DGLUCY: variants seen among roughly 807,000 people sequenced by gnomAD.
The protein encoded by DGLUCY is D-glutamate cyclase.
Under a neutral mutation model 58.5 loss-of-function variants are expected in DGLUCY, and 58 were observed. That is an observed-to-expected ratio of 0.99 (90% CI 0.80 to 1.23). The LOEUF is 1.23. Among genes scored for constraint, DGLUCY ranks in the 50% most tolerant of loss-of-function variants. The pLI, the probability that DGLUCY is intolerant of heterozygous loss-of-function variation, is 0.00. For synonymous variants in DGLUCY, 325 were observed against 314.1 expected, an observed-to-expected ratio of 1.03 and a Z score of -0.37; for missense variants, 779 against 784.7, an observed-to-expected ratio of 0.99 and a Z score of 0.09.
chr14:91,207,137 T>A (rs4904759), intron 12 of DGLUCY, among the ~76,000 whole-genome samples: 62,955 of 130,382 alleles, frequency 0.48, 16,290 homozygotes, highest in East Asian at 0.71. Flanking sequence ...CCAGCCTGGA[T>A]GACAGAGCAA....
chr14:91,170,785 C>T (rs1382752676), intron 5 of DGLUCY, among the ~76,000 whole-genome samples: 1 of 152,210 alleles, frequency 6.6e-6, no homozygotes, highest in Non-Finnish European at 1.5e-5. Context: ...CCTTCCTGGA[C>T]ATCTGTTGGT....
intron 13 of DGLUCY, among the ~76,000 whole-genome samples, chr14:91,218,774 G>A (rs1293142711): frequency 6.6e-6 from 1 of 152,182 alleles, no homozygotes; most frequent in Non-Finnish European, 1.5e-5. Context: ...GCCAGGCCCA[G>A]GCTTGCTCTA....
At chr14:91,073,998 ATAATCCCAGCACCTT>A (rs2043965796) in intron 1 of DGLUCY, among the ~76,000 whole-genome samples, 1 of 151,498 alleles carries the variant, frequency 6.6e-6, no homozygotes, top group Non-Finnish European at 1.5e-5. Flanking sequence ...GCTCACACCT[ATAATCCCAGCACCTT>A]GGGAAGTAGA....
chr14:91,065,846 A>C (rs1281913552), intron 1 of DGLUCY, among the ~76,000 whole-genome samples: 1 of 152,200 alleles, frequency 6.6e-6, no homozygotes, highest in African/African-American at 2.4e-5. Flanking sequence ...GCTTGGAGTC[A>C]AATGAGGAAA....
At chr14:91,161,917 C>T (rs986877895) in intron 3 of DGLUCY, among the ~76,000 whole-genome samples, 1 of 151,596 alleles carries the variant, frequency 6.6e-6, no homozygotes, top group South Asian at 2.1e-4. Flanking sequence ...CTACAGCAAC[C>T]TGTTATATAC....
intron 1 of DGLUCY, among the ~76,000 whole-genome samples, chr14:91,137,643 C>T (rs1456081083): frequency 2.6e-5 from 4 of 151,872 alleles, no homozygotes; most frequent in Non-Finnish European, 5.9e-5. Flanking sequence ...GATCCGCCCG[C>T]CTTAGCCTCC....
intron 1 of DGLUCY, among the ~76,000 whole-genome samples, chr14:91,122,672 G>A (rs932108193): frequency 3.1e-5 from 4 of 128,686 alleles, no homozygotes; most frequent in African/African-American, 9.0e-5. Flanking sequence ...GCTCGATCTC[G>A]GCTTACTGCA....
intron 13 of DGLUCY, among the ~76,000 whole-genome samples, chr14:91,222,492 T>C (rs1887661106): frequency 6.6e-6 from 1 of 151,954 alleles, no homozygotes; most frequent in South Asian, 2.1e-4. Context: ...CCATTCTGAG[T>C]GGGTAGCTCC....
intron 12 of DGLUCY, among the ~76,000 whole-genome samples, chr14:91,206,858 A>G (rs1340661404): frequency 6.6e-6 from 1 of 152,194 alleles, no homozygotes; most frequent in Non-Finnish European, 1.5e-5. Flanking sequence ...TGATTAATAT[A>G]ATAAAGTCTT....
intron 1 of DGLUCY, among the ~76,000 whole-genome samples, chr14:91,068,039 T>C (rs951242231): frequency 2.0e-5 from 3 of 149,840 alleles, no homozygotes; most frequent in African/African-American, 7.4e-5. Context: ...AGTGAGAAGG[T>C]TGGGAATGTA....
At chr14:91,190,544 T>A (rs956761032) in intron 9 of DGLUCY, among the ~76,000 whole-genome samples, 32 of 151,910 alleles carry the variant, frequency 2.1e-4, no homozygotes, top group African/African-American at 7.2e-4. Context: ...GAGGTGGCCT[T>A]TGAGTCCAGA....
At position 91,195,827 on chromosome 14, in the gene DGLUCY, C is replaced by T. The variant is rs147492273; in HGVS notation, c.1196-548C>T. The stretch of plus-strand genomic sequence containing the variant: ...CTGGAACTATAGGCGCTTGCCATCA[C>T]GCCGGGCTAATTTTTTGTATTTTTA... On this transcript the variant is annotated intron_variant, in intron 9 of 13. Coordinates refer to ENST00000256324, the MANE Select transcript of DGLUCY (RefSeq NM_001102368.3). Among the ~76,000 whole-genome samples the T allele has an allele frequency of 8.2e-4, 125 of 152,078 alleles. 2 individuals are homozygous for T. The highest frequency in any genetic ancestry group is 4.3e-3 in the Admixed American group (65 of 15,266).
At chr14:91,171,051 G>T (rs935783078) in intron 5 of DGLUCY, among the ~76,000 whole-genome samples, 1 of 152,172 alleles carries the variant, frequency 6.6e-6, no homozygotes, top group Admixed American at 6.6e-5. Flanking sequence ...GGAAGGGTGG[G>T]GATGGGACCC....
intron 1 of DGLUCY, among the ~76,000 whole-genome samples, chr14:91,075,930 T>G (rs890533061): frequency 6.6e-6 from 1 of 152,106 alleles, no homozygotes; most frequent in Non-Finnish European, 1.5e-5. Context: ...CAGGCCAACA[T>G]GGTGAAACCC....
chr14:91,111,244 GTGTGTA>G (rs199700523), upstream of DGLUCY, among the ~76,000 whole-genome samples: 9,494 of 100,590 alleles, frequency 0.094, 508 homozygotes, highest in Non-Finnish European at 0.13. Context: ...GTGTGTGTGT[GTGTGTA>G]TATATCTATA....
intron 10 of DGLUCY, among the ~76,000 whole-genome samples, chr14:91,199,468 T>C (rs1003333458): frequency 9.3e-6 from 1 of 107,252 alleles, no homozygotes; most frequent in Non-Finnish European, 2.3e-5. Context: ...GGCCGGGCTG[T>C]TCTCGAACTC....
chr14:91,157,552 A>G (rs2140332011), intron 1 of DGLUCY, 87 bp from the exon 2 acceptor site: 1 of 152,248 alleles, frequency 6.6e-6, no homozygotes, highest in Admixed American at 6.5e-5. Flanking sequence ...GTGGGTCACC[A>G]TATATGGTGG....
At chr14:91,085,463 A>G (rs1295269228) in intron 1 of DGLUCY, among the ~76,000 whole-genome samples, 1 of 151,544 alleles carries the variant, frequency 6.6e-6, no homozygotes, top group Non-Finnish European at 1.5e-5. Context: ...AGCTCTTATG[A>G]GTCGGTACAG....
At chr14:91,220,894 A>G (rs1031469145) in intron 13 of DGLUCY, 63 of 349,446 alleles carry the variant, frequency 1.8e-4, no homozygotes, top group East Asian at 1.4e-3. Flanking sequence ...GGGCAAGCCA[A>G]TGCCAGGAAG....
Sources: allele counts gnomAD v4.1 joint callset (sites outside exome capture counted in the v4.1 genomes callset), GRCh38; gene constraint gnomAD v4.1.1; transcripts MANE v1.5; gene names NCBI Gene and HGNC (gene_info 2026-07-23, HGNC 2026-07-21).